The following EHBP1 variants were observed in gnomAD, a reference collection of about 807,000 sequenced individuals.
The protein encoded by EHBP1 is EH domain binding protein 1.
In EHBP1, 55 loss-of-function variants were observed where a neutral mutation model predicts 144.0. The observed-to-expected ratio is 0.38, with a 90% CI of 0.31 to 0.48. EHBP1 has a LOEUF of 0.48. Ranked by LOEUF, EHBP1 falls within the 20% of genes least tolerant of loss-of-function variation. The probability of loss-of-function intolerance (pLI) is 0.98; values close to 1 mark genes in which losing one functional copy is unlikely to be tolerated. For synonymous variants in EHBP1, 469 were observed against 472.7 expected, an observed-to-expected ratio of 0.99 and a Z score of 0.10; for missense variants, 1,200 against 1,364.2, an observed-to-expected ratio of 0.88 and a Z score of 1.90.
At chr2:63,034,759 C>T (rs2061390896) in intron 19 of EHBP1, among the ~76,000 whole-genome samples, 1 of 151,932 alleles carries the variant, frequency 6.6e-6, no homozygotes, top group Admixed American at 6.6e-5. Context: ...CAAAGTACCG[C>T]ACTGACAGCT....
At chr2:62,860,358 G>A (rs966194481) in intron 8 of EHBP1, among the ~76,000 whole-genome samples, 4 of 152,088 alleles carry the variant, frequency 2.6e-5, no homozygotes, top group Admixed American at 6.5e-5. Flanking sequence ...GAGCATGGTG[G>A]TGCATGCATG....
At chr2:62,878,282 G>A (rs181036532) in intron 10 of EHBP1, among the ~76,000 whole-genome samples, 5 of 152,168 alleles carry the variant, frequency 3.3e-5, no homozygotes, top group Admixed American at 3.3e-4. Flanking sequence ...TTGAAACCCT[G>A]AACAGACCAA....
At chr2:62,953,633 T>C (rs990114764) in intron 13 of EHBP1, among the ~76,000 whole-genome samples, 3 of 151,438 alleles carry the variant, frequency 2.0e-5, no homozygotes, top group Non-Finnish European at 4.4e-5. Flanking sequence ...CAAAATAGAA[T>C]AAGTGAAAAA....
intron 13 of EHBP1, among the ~76,000 whole-genome samples, chr2:62,953,213 G>A (rs1343535240): frequency 6.1e-5 from 4 of 65,522 alleles, no homozygotes; most frequent in South Asian, 7.3e-4. Flanking sequence ...GCGAAAGTCC[G>A]TCTCAAAAAA....
chr2:62,940,133 G>T, intron 10 of EHBP1: 1 of 412,290 alleles, frequency 2.4e-6, no homozygotes, highest in South Asian at 1.9e-5. Flanking sequence ...CAAGAAAAAC[G>T]CCTGTGGTAA....
In EHBP1 at chr2:62,965,838, T is replaced by A. The variant is rs577782075; in HGVS notation, c.2460+10178T>A. On this transcript the variant is annotated intron_variant, in intron 14 of 22. Coordinates refer to ENST00000431489, the MANE Select transcript of EHBP1 (RefSeq NM_001142616.3). Reference sequence around the variant, plus strand: ...TTAGAATTTAGTACCAAATGATTTGTCAGTACAAATTGATATTCTGATTTT... The same window carrying A: ...TTAGAATTTAGTACCAAATGATTTGACAGTACAAATTGATATTCTGATTTT... Among the ~76,000 whole-genome samples, 8 of 152,306 alleles carry A rather than the reference T, an allele frequency of 5.3e-5. No homozygotes were observed. The South Asian group carries it at 1.7e-3, about 32-fold the overall frequency.
intron 2 of EHBP1, among the ~76,000 whole-genome samples, chr2:62,740,036 C>G (rs2038557172): frequency 6.6e-6 from 1 of 151,772 alleles, no homozygotes. Context: ...AAAGTACACT[C>G]TGCTGTAATA....
At chr2:62,780,937 C>T (rs1004237234) in intron 5 of EHBP1, among the ~76,000 whole-genome samples, 1 of 152,138 alleles carries the variant, frequency 6.6e-6, no homozygotes, top group African/African-American at 2.4e-5. Flanking sequence ...TGACATTGAT[C>T]ATACATTACA....
At chr2:62,984,662 G>A (rs537346107) in intron 15 of EHBP1, among the ~76,000 whole-genome samples, 3 of 152,306 alleles carry the variant, frequency 2.0e-5, no homozygotes, top group Admixed American at 1.3e-4. Flanking sequence ...TTGTAAAACT[G>A]AAGTCAATGA....
At chr2:63,041,814 T>G (rs1454980117) in intron 21 of EHBP1, among the ~76,000 whole-genome samples, 3 of 152,186 alleles carry the variant, frequency 2.0e-5, no homozygotes, top group Non-Finnish European at 4.4e-5. Flanking sequence ...TAGTGTTAAT[T>G]TTCATCAAAG....
chr2:62,742,516 T>G (rs576114370), intron 2 of EHBP1, among the ~76,000 whole-genome samples: 1 of 152,190 alleles, frequency 6.6e-6, no homozygotes, highest in African/African-American at 2.4e-5. Context: ...TTAATTGATG[T>G]AGAAAAAAAT....
chr2:63,006,467 A>G (rs547006203), intron 19 of EHBP1, among the ~76,000 whole-genome samples: 1 of 152,052 alleles, frequency 6.6e-6, no homozygotes, highest in East Asian at 1.9e-4. Context: ...CTTCATTCAT[A>G]CAACTATTAG....
chr2:62,906,359 C>T (rs1221365688), intron 10 of EHBP1, among the ~76,000 whole-genome samples: 1 of 152,068 alleles, frequency 6.6e-6, no homozygotes, highest in Non-Finnish European at 1.5e-5. Context: ...GTTGCTATAT[C>T]ATAAGTCTTA....
At chr2:62,944,676 G>A (rs1025217333) in intron 12 of EHBP1, among the ~76,000 whole-genome samples, 3 of 152,186 alleles carry the variant, frequency 2.0e-5, no homozygotes, top group Admixed American at 1.3e-4. Context: ...CTGGTATGGG[G>A]CAAGGGGATA....
chr2:62,944,364 G>C (rs192868717), intron 12 of EHBP1, among the ~76,000 whole-genome samples: 3 of 152,294 alleles, frequency 2.0e-5, no homozygotes, highest in Non-Finnish European at 2.9e-5. Context: ...GTGATGTACC[G>C]TAAGATTATA....
intron 18 of EHBP1, among the ~76,000 whole-genome samples, chr2:62,995,425 C>T (rs116325169): frequency 9.2e-5 from 14 of 152,098 alleles, no homozygotes; most frequent in Non-Finnish European, 1.9e-4. Context: ...ATGTAAGTTA[C>T]ACATATAGTT....
chr2:63,037,271 A>T (rs1354715539), intron 19 of EHBP1, among the ~76,000 whole-genome samples: 2 of 152,074 alleles, frequency 1.3e-5, no homozygotes, highest in South Asian at 4.1e-4. Context: ...AGAATTTAAA[A>T]GGTAGGACAT....
intron 10 of EHBP1, among the ~76,000 whole-genome samples, chr2:62,924,470 T>C (rs1182510728): frequency 4.0e-5 from 6 of 151,848 alleles, no homozygotes; most frequent in African/African-American, 1.5e-4. Context: ...CACCATTAGC[T>C]AGACTGGGAA....
intron 9 of EHBP1, among the ~76,000 whole-genome samples, chr2:62,870,477 G>A (rs2050370948): frequency 6.6e-6 from 1 of 151,990 alleles, no homozygotes; most frequent in Non-Finnish European, 1.5e-5. Context: ...CACTTTGGGA[G>A]GCCAAGGCAG....
Sources: gnomAD v4.1 joint callset for allele counts (sites outside exome capture counted in the v4.1 genomes callset) on GRCh38, gnomAD v4.1.1 for gene constraint, MANE v1.5 for transcripts, NCBI Gene and HGNC (gene_info 2026-07-23, HGNC 2026-07-21) for gene names.